Variants in CRYBG1 observed in about 807,000 individuals in gnomAD.
The protein encoded by CRYBG1 is crystallin beta-gamma domain containing 1, also known as beta/gamma crystallin domain-containing protein 1.
A neutral mutation model predicts 189.2 loss-of-function variants in CRYBG1; 139 were observed. The ratio of observed to expected loss-of-function variants is 0.73; its 90% CI spans 0.64 to 0.85. The LOEUF is 0.85. CRYBG1 is among the 40% of genes least tolerant of loss of function. CRYBG1 has a pLI of 0.00. For missense variants in CRYBG1, 2,611 were observed against 2,675.8 expected (o/e 0.98, Z 0.53); for synonymous variants, 1,023 against 1,017.1 (o/e 1.01, Z -0.11).
chr6:106,472,497 C>T (rs192798176), intron 2 of CRYBG1, among the ~76,000 whole-genome samples: 26 of 151,414 alleles, frequency 1.7e-4, no homozygotes, highest in Admixed American at 1.5e-3. Flanking sequence ...AAAAACAGTA[C>T]ACTAAACATT....
chr6:106,480,773 AC>A (rs984765453), intron 2 of CRYBG1, among the ~76,000 whole-genome samples: 23 of 151,876 alleles, frequency 1.5e-4, no homozygotes, highest in African/African-American at 3.4e-4. Context: ...GTAGTTTGAG[AC>A]CAGCCTGGCC....
At position 106,423,694 on chromosome 6, in the gene CRYBG1, C is replaced by CTT. The variant is rs1350862841; in HGVS notation, c.174-28000_174-27999insTT. Among the ~76,000 whole-genome samples the CTT allele has an allele frequency of 7.1e-3, 722 of 101,232 alleles. 172 individuals carry two copies. The highest frequency in any genetic ancestry group is 0.029 in the African/African-American group (696 of 23,630). The allele number at this position is 101,232 out of a possible 152,430, so 66.4% of individuals were successfully genotyped here. A position where few individuals can be genotyped will look rare whatever the true frequency, so the allele number is the denominator to read the frequency against. On this transcript the variant is annotated intron_variant, in intron 1 of 21. Coordinates refer to ENST00000633556, the MANE Select transcript of CRYBG1 (RefSeq NM_001371242.2). ...CCCTCCAGTCCTCAGTTCTCCCTCC[C>CTT]CTTTTTTTTTTTTTTTTTTTTTTTT... is the stretch of plus-strand genomic sequence containing the variant.
At chr6:106,485,001 T>G (rs1474641636) in intron 2 of CRYBG1, among the ~76,000 whole-genome samples, 1 of 151,656 alleles carries the variant, frequency 6.6e-6, no homozygotes, top group Non-Finnish European at 1.5e-5. Context: ...AAAAAAAAGG[T>G]GGGGGGGATT....
intron 2 of CRYBG1, among the ~76,000 whole-genome samples, chr6:106,461,639 A>AG (rs1306796622): frequency 6.6e-6 from 1 of 152,162 alleles, no homozygotes; most frequent in East Asian, 1.9e-4. Flanking sequence ...TCTATTGCCA[A>AG]GAAAAAAGGC....
In CRYBG1 at chr6:106,365,536, G is replaced by A. The variant is rs570116482; in HGVS notation, c.173+4455G>A. The stretch of plus-strand genomic sequence containing the variant: ...ACTCCTAGGCTCAAGCAGTCCTCCC[G>A]CCTTGGCCTCCCAAGTGCTAGGATT... On this transcript the variant is annotated intron_variant, in intron 1 of 21. Coordinates refer to ENST00000633556, the MANE Select transcript of CRYBG1 (RefSeq NM_001371242.2). Among the ~76,000 whole-genome samples, 38 of 150,844 alleles carry A rather than the reference G, an allele frequency of 2.5e-4. 1 individual carries two copies. The highest frequency in any genetic ancestry group is 1.3e-3 in the South Asian group (6 of 4,758).
chr6:106,474,428 C>T (rs1489648228), intron 2 of CRYBG1, among the ~76,000 whole-genome samples: 1 of 152,124 alleles, frequency 6.6e-6, no homozygotes, highest in Non-Finnish European at 1.5e-5. Context: ...TATGTTTCTC[C>T]TTTTTATGTG....
At chr6:106,451,530 G>T in intron 1 of CRYBG1, 164 bp from the exon 2 acceptor site, 2 of 614,144 alleles carry the variant, frequency 3.3e-6, no homozygotes, top group South Asian at 6.1e-5. Context: ...AATGTGCTAT[G>T]AGAGCGCCAA....
chr6:106,493,613 A>G (rs1456568604), intron 2 of CRYBG1, among the ~76,000 whole-genome samples: 1 of 152,226 alleles, frequency 6.6e-6, no homozygotes, highest in Non-Finnish European at 1.5e-5. Context: ...AGATAAATGG[A>G]TAAAGAATAT....
chr6:106,378,814 G>GTTC (rs1312607841), intron 1 of CRYBG1, among the ~76,000 whole-genome samples: 5 of 152,050 alleles, frequency 3.3e-5, no homozygotes, highest in Non-Finnish European at 5.9e-5. Context: ...TCCTCCTGTT[G>GTTC]TTCTTCTTCT....
At chr6:106,496,011 T>A (rs1772842330) in intron 2 of CRYBG1, among the ~76,000 whole-genome samples, 1 of 152,160 alleles carries the variant, frequency 6.6e-6, no homozygotes. Context: ...AGGTTATCTT[T>A]CAAATGTGTT....
At chr6:106,416,228 A>T (rs2114380420) in intron 1 of CRYBG1, among the ~76,000 whole-genome samples, 1 of 152,272 alleles carries the variant, frequency 6.6e-6, no homozygotes, top group African/African-American at 2.4e-5. Context: ...CTGTGGACCC[A>T]CGGAGTTCCA....
chr6:106,383,561 G>C (rs1373470026), intron 1 of CRYBG1, among the ~76,000 whole-genome samples: 1 of 152,176 alleles, frequency 6.6e-6, no homozygotes, highest in Non-Finnish European at 1.5e-5. Flanking sequence ...AATTTACACA[G>C]ACTAGAATAA....
At chr6:106,559,290 T>TA (rs1774638858) in intron 18 of CRYBG1, among the ~76,000 whole-genome samples, 1 of 152,224 alleles carries the variant, frequency 6.6e-6, no homozygotes, top group African/African-American at 2.4e-5. Context: ...TGGCAGATGT[T>TA]ATACAAATGA....
At chr6:106,482,624 A>C (rs534290207) in intron 2 of CRYBG1, among the ~76,000 whole-genome samples, 104 of 152,050 alleles carry the variant, frequency 6.8e-4, no homozygotes, top group Middle Eastern at 3.4e-3. Flanking sequence ...AAATACAAAA[A>C]ATTAGCTGGG....
chr6:106,477,733 ACT>A (rs906716641), intron 2 of CRYBG1, among the ~76,000 whole-genome samples: 60 of 152,244 alleles, frequency 3.9e-4, no homozygotes, highest in African/African-American at 1.4e-3. Context: ...CTTCTTTCAG[ACT>A]CTTGCCCTGT....
rs537577916 is a variant in CRYBG1 at position 106,509,647 on chromosome 6, G to T, written c.313-1783G>T. ...CGCACTTCCCCGGGAGCTGACTCTG[G>T]GGGGTGGGTGACCCGTAGTCTGTTC... On this transcript the variant is annotated intron_variant, in intron 2 of 21. Transcript: ENST00000633556. Among the ~76,000 whole-genome samples, 9 of 152,090 alleles carry T rather than the reference G, an allele frequency of 5.9e-5. No homozygotes were observed. In the South Asian group the frequency reaches 1.9e-3, roughly 32 times the overall value.
At chr6:106,400,136 CAAAAAAA>C (rs11286627) in intron 1 of CRYBG1, among the ~76,000 whole-genome samples, 3 of 76,392 alleles carry the variant, frequency 3.9e-5, no homozygotes, top group Non-Finnish European at 7.7e-5. Flanking sequence ...GACTCCATCT[CAAAAAAA>C]AAAAAAAAAA....
chr6:106,447,826 T>C (rs1771696359), intron 1 of CRYBG1, among the ~76,000 whole-genome samples: 1 of 152,158 alleles, frequency 6.6e-6, no homozygotes, highest in Admixed American at 6.5e-5. Flanking sequence ...GTGGAATTGT[T>C]CACCTTTGTG....
intron 2 of CRYBG1, among the ~76,000 whole-genome samples, chr6:106,477,024 G>T (rs1772346761): frequency 6.6e-6 from 1 of 152,056 alleles, no homozygotes; most frequent in East Asian, 1.9e-4. Context: ...TAAGTATTTG[G>T]TATTGTTATT....
Sources: allele counts gnomAD v4.1 joint callset (sites outside exome capture counted in the v4.1 genomes callset), GRCh38; gene constraint gnomAD v4.1.1; transcripts MANE v1.5; gene names NCBI Gene and HGNC (gene_info 2026-07-23, HGNC 2026-07-21).